Variants in PLOD2 observed in about 807,000 individuals in gnomAD.
PLOD2 encodes the protein procollagen-lysine,2-oxoglutarate 5-dioxygenase 2, also known as lysine hydroxylase 2.
PLOD2 carries 65 observed loss-of-function variants against 101.0 expected under a neutral mutation model. The observed-to-expected ratio is 0.64, with a 90% CI of 0.53 to 0.79. PLOD2 has a LOEUF of 0.79. Among genes scored for constraint, PLOD2 ranks in the 30% least tolerant of loss-of-function variants. The pLI, the probability that PLOD2 is intolerant of heterozygous loss-of-function variation, is 0.00. For synonymous variants in PLOD2, 314 were observed against 302.9 expected, an observed-to-expected ratio of 1.04 and a Z score of -0.38; for missense variants, 909 against 914.6, an observed-to-expected ratio of 0.99 and a Z score of 0.08.
At chr3:146,137,942 G>A (rs930459945) in intron 1 of PLOD2, among the ~76,000 whole-genome samples, 5 of 152,126 alleles carry the variant, frequency 3.3e-5, no homozygotes, top group African/African-American at 9.7e-5. Context: ...AGGTAATACC[G>A]CAGGGGGAAG....
Position 146,070,882 on chromosome 3 carries a change from T to C in PLOD2, c.2122-10A>G, listed in dbSNP as rs1234287480. The C allele has an allele frequency of 1.2e-6, 2 of 1,601,224 alleles. No homozygotes were observed. The highest frequency in any genetic ancestry group is 2.7e-5 in the African/African-American group (2 of 74,504). On this transcript the variant is annotated splice_polypyrimidine_tract_variant and intron_variant, in intron 19 of 19. Coordinates refer to ENST00000282903, the MANE Select transcript of PLOD2 (RefSeq NM_182943.3). The stretch of plus-strand genomic sequence containing the variant: ...ATTTGCAACCACCTCCCTAAAAAAG[T>C]TAAAATGAAGAAATACATCAGATTA...
rs1477650478 is a variant in PLOD2 at position 146,070,431 on chromosome 3, C to T, written c.*286G>A. The T allele has an allele frequency of 2.0e-5, 4 of 196,878 alleles. 1 individual carries two copies. In the Admixed American group the frequency reaches 2.3e-4, roughly 11 times the overall value. The allele number at this position is 196,878 out of a possible 1,614,324, so 12.2% of individuals were successfully genotyped here. A position where few individuals can be genotyped will look rare whatever the true frequency, so the allele number is the denominator to read the frequency against. On this transcript the variant is annotated 3_prime_UTR_variant, in exon 20 of 20. Coordinates refer to ENST00000282903, the MANE Select transcript of PLOD2 (RefSeq NM_182943.3). ...CTAAATATTTTATCAATTTGAAACA[C>T]AAATTCATAAATTGTCATTATTCTC...
At chr3:146,160,317 T>C (rs113529956) in intron 1 of PLOD2, among the ~76,000 whole-genome samples, 71 of 152,230 alleles carry the variant, frequency 4.7e-4, no homozygotes, top group Non-Finnish European at 9.0e-4. Flanking sequence ...CCCCTTCAGA[T>C]CCCAAAGGAA....
chr3:146,134,436 G>T (rs1201124055), intron 1 of PLOD2, among the ~76,000 whole-genome samples: 1 of 151,992 alleles, frequency 6.6e-6, no homozygotes. Context: ...CAAATAGAGC[G>T]GACTTTAATC....
At chr3:146,102,723 G>T in intron 7 of PLOD2, 32 bp downstream of exon 7, 1 of 1,075,920 alleles carries the variant, frequency 9.3e-7, no homozygotes, top group Non-Finnish European at 1.5e-6. Flanking sequence ...CTATCTCCAA[G>T]AATTGGCCAA....
chr3:146,094,116 T>C (rs571781756), intron 7 of PLOD2, among the ~76,000 whole-genome samples: 88 of 152,312 alleles, frequency 5.8e-4, no homozygotes, highest in Non-Finnish European at 1.0e-3. Flanking sequence ...TGGGCACTCC[T>C]GGGCTACTAG....
chr3:146,118,385 G>A (rs1938018944), intron 3 of PLOD2, among the ~76,000 whole-genome samples: 1 of 151,780 alleles, frequency 6.6e-6, no homozygotes, highest in African/African-American at 2.4e-5. Context: ...AAATTTTTAA[G>A]TGTGTACGGC....
chr3:146,132,035 C>G (rs2030942101), intron 1 of PLOD2, among the ~76,000 whole-genome samples: 1 of 152,146 alleles, frequency 6.6e-6, no homozygotes, highest in South Asian at 2.1e-4. Flanking sequence ...AAAGTCACTT[C>G]CAACCTCTAA....
At chr3:146,097,807 AAT>A (rs1937256934) in intron 7 of PLOD2, among the ~76,000 whole-genome samples, 2 of 101,036 alleles carry the variant, frequency 2.0e-5, no homozygotes, top group East Asian at 3.1e-4. Context: ...AAAAAAAAAT[AAT>A]AATAATAATA....
At chr3:146,126,936 A>G (rs924497964) in intron 1 of PLOD2, among the ~76,000 whole-genome samples, 4 of 152,176 alleles carry the variant, frequency 2.6e-5, no homozygotes, top group Non-Finnish European at 5.9e-5. Flanking sequence ...AGATTAAAAC[A>G]AGACTGGCCA....
chr3:146,148,646 GA>G (rs2031913198), intron 1 of PLOD2, among the ~76,000 whole-genome samples: 1 of 152,038 alleles, frequency 6.6e-6, no homozygotes, highest in East Asian at 1.9e-4. Flanking sequence ...AATAAAAGAG[GA>G]AATAACACAA....
intron 1 of PLOD2, among the ~76,000 whole-genome samples, chr3:146,152,771 G>C (rs140177432): frequency 1.6e-3 from 242 of 152,264 alleles, no homozygotes; most frequent in Non-Finnish European, 2.5e-3. Flanking sequence ...TTCCCTGCAA[G>C]AATCTTAGAA....
At chr3:146,097,795 T>TTAA (rs1553733424) in intron 7 of PLOD2, among the ~76,000 whole-genome samples, 3 of 127,094 alleles carry the variant, frequency 2.4e-5, no homozygotes, top group Non-Finnish European at 4.9e-5. Context: ...GAATGATCAA[T>TTAA]AAAAAAAAAA....
chr3:146,148,440 C>A (rs528122080), intron 1 of PLOD2, among the ~76,000 whole-genome samples: 1 of 150,816 alleles, frequency 6.6e-6, no homozygotes, highest in Non-Finnish European at 1.5e-5. Flanking sequence ...TACCTAAATA[C>A]GAAGAATAAA....
intron 1 of PLOD2, among the ~76,000 whole-genome samples, chr3:146,145,959 G>A (rs1439083339): frequency 5.3e-5 from 8 of 152,082 alleles, no homozygotes; most frequent in South Asian, 2.1e-4. Flanking sequence ...GTACCATGCC[G>A]TCTCTTCCAT....
At chr3:146,108,075 T>C (rs995393510) in intron 4 of PLOD2, among the ~76,000 whole-genome samples, 3 of 152,164 alleles carry the variant, frequency 2.0e-5, no homozygotes, top group Admixed American at 6.5e-5. Flanking sequence ...CTTCAAAAAT[T>C]GTTTCCTTAT....
chr3:146,088,761 GTTTTA>G (rs760199576), intron 8 of PLOD2, 50 bp from the exon 9 acceptor site: 1 of 1,440,754 alleles, frequency 6.9e-7, no homozygotes, highest in South Asian at 1.2e-5. Context: ...GTATGGTTTT[GTTTTA>G]AATTTTATTC....
chr3:146,155,714 C>CAAAA (rs766107067), intron 1 of PLOD2, among the ~76,000 whole-genome samples: 1 of 54,062 alleles, frequency 1.8e-5, no homozygotes, highest in Non-Finnish European at 3.8e-5. Flanking sequence ...GACTCTGTCT[C>CAAAA]AAAAAAAAAA....
intron 1 of PLOD2, among the ~76,000 whole-genome samples, chr3:146,135,173 C>T (rs2031160068): frequency 6.6e-6 from 1 of 152,142 alleles, no homozygotes; most frequent in Non-Finnish European, 1.5e-5. Context: ...AGGAGCAGCC[C>T]ATCCTCATAC....
Sources: allele counts gnomAD v4.1 joint callset (sites outside exome capture counted in the v4.1 genomes callset), GRCh38; gene constraint gnomAD v4.1.1; transcripts MANE v1.5; gene names NCBI Gene and HGNC (gene_info 2026-07-23, HGNC 2026-07-21).